The following GALNT15 variants were observed in gnomAD, a reference collection of about 807,000 sequenced individuals.
GALNT15 encodes the protein UDP-GalNAc transferase T15.
GALNT15 carries 67 observed loss-of-function variants against 66.8 expected under a neutral mutation model. The observed-to-expected ratio is 1.00, with a 90% confidence interval of 0.82 to 1.23. The LOEUF (loss-of-function observed/expected upper bound fraction) is 1.23. Among genes scored for constraint, GALNT15 ranks in the 50% most tolerant of loss-of-function variants. The pLI is 0.00. For synonymous variants in GALNT15, 313 were observed against 311.5 expected (o/e 1.00, Z -0.05); for missense variants, 827 against 804.3 (o/e 1.03, Z -0.34).
chr3:16,245,747 T>C, the GALNT15 span, among the ~76,000 whole-genome samples: 1 of 152,238 alleles, frequency 6.6e-6, no homozygotes, highest in Non-Finnish European at 1.5e-5. Flanking sequence ...TATTCCCGGC[T>C]TCTTCCACAT....
chr3:16,210,061 C>G (rs940230966), intron 4 of GALNT15, among the ~76,000 whole-genome samples: 1 of 152,236 alleles, frequency 6.6e-6, no homozygotes, highest in East Asian at 1.9e-4. Flanking sequence ...AAAAAGCACA[C>G]TGGTCCCACA....
intron 2 of GALNT15, among the ~76,000 whole-genome samples, chr3:16,199,870 G>T (rs895582699): frequency 6.6e-6 from 1 of 152,176 alleles, no homozygotes; most frequent in Non-Finnish European, 1.5e-5. Flanking sequence ...TAAGATTTCA[G>T]TTAGCACCCA....
At chr3:16,177,303 T>C (rs1559673211) in intron 1 of GALNT15, among the ~76,000 whole-genome samples, 1 of 152,244 alleles carries the variant, frequency 6.6e-6, no homozygotes, top group East Asian at 1.9e-4. Context: ...AGAAATAATA[T>C]TGCCTGAAAC....
chr3:16,199,476 A>G (rs1179097310), intron 2 of GALNT15, among the ~76,000 whole-genome samples: 1 of 141,818 alleles, frequency 7.1e-6, no homozygotes, highest in African/African-American at 2.6e-5. Context: ...CCAGCTGCCA[A>G]ATTTAATGGA....
At chr3:16,178,123 C>T (rs2063430510) in intron 1 of GALNT15, among the ~76,000 whole-genome samples, 1 of 152,024 alleles carries the variant, frequency 6.6e-6, no homozygotes, top group Admixed American at 6.5e-5. Context: ...TTGTGTGTTG[C>T]ATGTATGTTA....
In GALNT15 at chr3:16,175,868, T is replaced by C. The variant is rs1401839653; in HGVS notation, c.539+178T>C. The stretch of plus-strand genomic sequence containing the variant: ...CTGGGCACTGGTGGGTTCTCAGAAA[T>C]GCAGATTCTCAGACCCCATCCCAGA... On this transcript the variant is annotated intron_variant, in intron 1 of 9. Coordinates refer to ENST00000339732, the MANE Select transcript of GALNT15 (RefSeq NM_054110.5). The surrounding 1 kb of genome is among the most constrained non-coding windows in gnomAD (Gnocchi z 5.6). 6.6e-6 allele frequency among the ~76,000 whole-genome samples: 1 copy of C among 152,184 alleles called. No individual in the cohort carries two copies. The highest frequency in any genetic ancestry group is 6.5e-5 in the Admixed American group (1 of 15,278).
At chr3:16,212,944 G>T (rs2063832922) in intron 6 of GALNT15, among the ~76,000 whole-genome samples, 181 bp downstream of exon 6, 2 of 152,092 alleles carry the variant, frequency 1.3e-5, no homozygotes, top group South Asian at 4.1e-4. Flanking sequence ...TTGTCTCTCT[G>T]GCTTCTCCAT....
At chr3:16,232,077 A>G (rs1356673959), downstream of GALNT15, 1 of 918,884 alleles carries the variant, frequency 1.1e-6, no homozygotes, top group Non-Finnish European at 1.5e-6. Context: ...ACCTCATTAG[A>G]TTATCCAAAA....
chr3:16,222,068 C>T (rs2063948216), intron 8 of GALNT15, among the ~76,000 whole-genome samples: 1 of 152,166 alleles, frequency 6.6e-6, no homozygotes, highest in Non-Finnish European at 1.5e-5. Flanking sequence ...CAGAAACAAA[C>T]AGAAAATAGT....
At chr3:16,212,888 A>G in intron 6 of GALNT15, 125 bp downstream of exon 6, 1 of 784,412 alleles carries the variant, frequency 1.3e-6, no homozygotes, top group East Asian at 2.7e-5. Flanking sequence ...AGCTTCCCTC[A>G]TGCTGCCCTA....
chr3:16,244,735 G>A, the GALNT15 span, among the ~76,000 whole-genome samples: 10 of 152,346 alleles, frequency 6.6e-5, no homozygotes, highest in African/African-American at 2.4e-4. Flanking sequence ...CCATGCTTAA[G>A]ACTGGAGTCC....
At chr3:16,244,505 G>C in the GALNT15 span, among the ~76,000 whole-genome samples, 1 of 152,218 alleles carries the variant, frequency 6.6e-6, no homozygotes, top group Non-Finnish European at 1.5e-5. Flanking sequence ...AGTTGGCCCA[G>C]GCTGGAGGAT....
In GALNT15 at chr3:16,215,222, A is replaced by G. The variant is rs1037625242; in HGVS notation, c.1392+2459A>G. Among the ~76,000 whole-genome samples, 22 of 152,356 alleles carry G rather than the reference A, an allele frequency of 1.4e-4. No homozygotes were observed. In the East Asian group the frequency reaches 4.2e-3, roughly 29 times the overall value. ...CAATTAGAAGTGCCTGTGAATATAT[A>G]CTTTGTTCTAGACAATTACAGAAAT... is the stretch of plus-strand genomic sequence containing the variant. On this transcript the variant is annotated intron_variant, in intron 6 of 9. Coordinates refer to ENST00000339732, the MANE Select transcript of GALNT15 (RefSeq NM_054110.5).
rs2063954217 is a variant in GALNT15 at position 16,222,551 on chromosome 3, C to T, written c.1630-64C>T. 3.1e-6 allele frequency: 5 copies of T among 1,596,550 alleles called. No individual in the cohort carries two copies. In the South Asian group the frequency reaches 3.3e-5, roughly 11 times the overall value. ...CAGCTCTATAGTGGGTTCTTCTTAC[C>T]TCCTCTACAGCTTTGAAGAGGATCT... On this transcript the variant is annotated intron_variant, in intron 8 of 9. Coordinates refer to ENST00000339732, the MANE Select transcript of GALNT15 (RefSeq NM_054110.5).
Position 16,219,467 on chromosome 3 carries a change from A to C in GALNT15, c.1457A>C (p.His486Pro), listed in dbSNP as rs769711659. ...AGGAGACTGGGTTGTCGGACATTCC[A>C]CTGGTTTCTGGCTAATGTCTACCCT... is the stretch of plus-strand genomic sequence containing the variant. The part of the protein sequence containing the change: ...LQRRLGCRTF[H>P]WFLANVYPEL... Residue 486 changes from histidine to proline, a missense_variant, in exon 7 of 10, where the codon CAC becomes CCC. Transcript: ENST00000339732. The surrounding 1 kb of genome is among the most constrained non-coding windows in gnomAD (Gnocchi z 4.3). The C allele has an allele frequency of 3.1e-6, 5 of 1,614,086 alleles. No individual in the cohort carries two copies. The highest frequency in any genetic ancestry group is 2.2e-5 in the East Asian group (1 of 44,884).
rs2063393515 is a variant in GALNT15 at position 16,175,343 on chromosome 3, C to T, written c.192C>T (p.Ser64=). 3.7e-6 allele frequency: 6 copies of T among 1,614,118 alleles called. No individual in the cohort carries two copies. Among genetic ancestry groups the T allele is most frequent in the Middle Eastern group, 3.3e-4 (2 of 6,062 alleles). Residue 64 remains serine, a synonymous_variant, in exon 1 of 10, where the codon TCC becomes TCT. Coordinates refer to ENST00000339732, the MANE Select transcript of GALNT15 (RefSeq NM_054110.5). This position sits in a 1 kb window ranked among gnomAD's most constrained non-coding sequence, Gnocchi z 5.6. ...GGTACCGCCTGGACTTTGGGGAATC[C>T]CAGGATTGGGTACTGGAAGCTGAGG... ...EARYRLDFGE[S]QDWVLEAEDE... is the part of the protein sequence containing the mutation.
intron 2 of GALNT15, among the ~76,000 whole-genome samples, chr3:16,199,389 T>C (rs963208569): frequency 7.1e-6 from 1 of 141,772 alleles, no homozygotes; most frequent in African/African-American, 2.6e-5. Flanking sequence ...TTCCGTTTTC[T>C]CTCCCGGACC....
rs147336118 is a variant in GALNT15, at chr3:16,189,755, C to T, written c.540-6005C>T. 6.6e-6 allele frequency among the ~76,000 whole-genome samples: 1 copy of T among 152,296 alleles called. No homozygotes were observed. Among genetic ancestry groups the T allele is most frequent in the African/African-American group, 2.4e-5 (1 of 41,564 alleles). ...TGCATAAGTACTTCAAATGTATTAGCTCATTTGGTCCTTCCAACAACCTCA... is the reference window on the plus strand; with the variant it reads ...TGCATAAGTACTTCAAATGTATTAGTTCATTTGGTCCTTCCAACAACCTCA... On this transcript the variant is annotated intron_variant, in intron 1 of 9. Transcript: ENST00000339732. The surrounding 1 kb of genome is among the most constrained non-coding windows in gnomAD (Gnocchi z 5.1).
At chr3:16,177,399 G>A (rs1020339543) in intron 1 of GALNT15, among the ~76,000 whole-genome samples, 2 of 152,166 alleles carry the variant, frequency 1.3e-5, no homozygotes, top group African/African-American at 4.8e-5. Context: ...GCATATTTGT[G>A]GGTCATGGTA....
Sources: allele counts gnomAD v4.1 joint callset (sites outside exome capture counted in the v4.1 genomes callset), GRCh38; gene constraint gnomAD v4.1.1; non-coding constraint Gnocchi (gnomAD v3.1); transcripts MANE v1.5; gene names NCBI Gene and HGNC (gene_info 2026-07-23, HGNC 2026-07-21).